EMID1: variants seen among roughly 807,000 people sequenced by gnomAD.
EMID1 encodes EMI domain containing 1.
A neutral mutation model predicts 60.6 loss-of-function variants in EMID1; 40 were observed. The observed-to-expected ratio is 0.66, with a 90% CI of 0.51 to 0.86. EMID1 has a LOEUF of 0.86. Ranked by LOEUF, EMID1 falls within the 40% of genes least tolerant of loss-of-function variation. The pLI is 0.00. For missense variants in EMID1, 585 were observed against 597.1 expected (o/e 0.98, Z 0.21); for synonymous variants, 242 against 231.0 (o/e 1.05, Z -0.43).
intron 3 of EMID1, among the ~76,000 whole-genome samples, chr22:29,221,187 C>T (rs1464484403): frequency 6.7e-6 from 1 of 149,910 alleles, no homozygotes; most frequent in South Asian, 2.1e-4. Flanking sequence ...CAGAGTGGAG[C>T]TGGGGTTTGT....
intron 13 of EMID1, chr22:29,253,792 A>T: frequency 2.4e-6 from 1 of 419,026 alleles, no homozygotes; most frequent in Non-Finnish European, 3.2e-6. Context: ...ATAAGCATAT[A>T]GGTGGCCAAG....
chr22:29,254,441 T>G, intron 14 of EMID1, 154 bp downstream of exon 14: 3 of 687,560 alleles, frequency 4.4e-6, no homozygotes, highest in African/African-American at 1.8e-5. Context: ...ACAACCACCC[T>G]TCCCTCAATG....
At chr22:29,232,540 G>C in intron 8 of EMID1, 138 bp downstream of exon 8, 2 of 1,005,520 alleles carry the variant, frequency 2.0e-6, no homozygotes, top group Non-Finnish European at 2.8e-6. Flanking sequence ...TCCTCCAGCA[G>C]GCGCCGTTGT....
intron 3 of EMID1, chr22:29,216,358 C>T (rs1489076925): frequency 8.1e-6 from 8 of 985,330 alleles, no homozygotes; most frequent in Non-Finnish European, 8.4e-6. Context: ...CAGGCCTCTC[C>T]CATCCTCACT....
At chr22:29,244,191 G>A (rs2041244323) in intron 13 of EMID1, among the ~76,000 whole-genome samples, 1 of 152,168 alleles carries the variant, frequency 6.6e-6, no homozygotes, top group Non-Finnish European at 1.5e-5. Context: ...GGGAAGCCTA[G>A]AAACTCTCAC....
At chr22:29,247,979 A>G (rs1373921345) in intron 13 of EMID1, among the ~76,000 whole-genome samples, 1 of 142,682 alleles carries the variant, frequency 7.0e-6, no homozygotes, top group East Asian at 2.1e-4. Context: ...GAGTCTTGCT[A>G]TGTCTCAAGA....
rs2040782154 is a variant in EMID1, at chr22:29,232,354, G to A, written c.775G>A (p.Gly259Arg). ...GCCACCAGGGCCTCCTGGCCCCCCT[G>A]GGCCCCCAGCCCCTGTTGGGCCACC... ...PGPPGPPGPP[G>R]PPAPVGPPHA... The change falls in exon 8 of 15, where the codon GGG becomes AGG. Residue 259 changes from glycine (G) to arginine (R), a missense_variant. Transcript: ENST00000334018. The A allele has an allele frequency of 6.2e-7, 1 of 1,606,260 alleles. No homozygotes were observed. The highest frequency in any genetic ancestry group is 1.3e-5 in the African/African-American group (1 of 74,738).
chr22:29,233,095 A>G, intron 8 of EMID1: 1 of 474,902 alleles, frequency 2.1e-6, no homozygotes, highest in Non-Finnish European at 3.8e-6. Flanking sequence ...TTTTATTGTC[A>G]TTCCCATTTG....
At chr22:29,235,996 T>A (rs1195395062) in intron 12 of EMID1, among the ~76,000 whole-genome samples, 8 of 152,112 alleles carry the variant, frequency 5.3e-5, no homozygotes, top group Admixed American at 5.2e-4. Flanking sequence ...GTGGTTATAT[T>A]TAAAGTCAGT....
intron 3 of EMID1, 129 bp downstream of exon 3, chr22:29,215,759 A>G: frequency 1.4e-6 from 1 of 720,198 alleles, no homozygotes; most frequent in East Asian, 2.7e-5. Context: ...AGCTGCACAG[A>G]GCCTGGCTCA....
chr22:29,231,878 C>G (rs2040763045), intron 7 of EMID1, 196 bp downstream of exon 7: 4 of 571,116 alleles, frequency 7.0e-6, no homozygotes, highest in Non-Finnish European at 1.2e-5. Context: ...GACCCACATT[C>G]CCTGGGCACC....
intron 1 of EMID1, among the ~76,000 whole-genome samples, chr22:29,207,163 G>A (rs765998136): frequency 2.0e-4 from 30 of 152,220 alleles, no homozygotes; most frequent in Non-Finnish European, 3.7e-4. Context: ...GCATGCCCCT[G>A]CTGGGCTAGC....
intron 14 of EMID1, among the ~76,000 whole-genome samples, chr22:29,255,989 C>T (rs1388892704): frequency 1.3e-5 from 2 of 152,104 alleles, no homozygotes; most frequent in Non-Finnish European, 2.9e-5. Context: ...GCGTCTGGCT[C>T]CTGGGAGTGA....
chr22:29,235,193 C>T (rs2040898511), intron 12 of EMID1, among the ~76,000 whole-genome samples: 1 of 151,852 alleles, frequency 6.6e-6, no homozygotes, highest in African/African-American at 2.4e-5. Flanking sequence ...ACTAAATATA[C>T]AAAAATTAGC....
rs1386868096 is a variant in EMID1, at chr22:29,258,825, C to A, written c.1213C>A (p.Leu405Met). ...ETMIGLYEPE[L>M]GSGAGPAGTG... ...CTTCTTCCCTCCGGCAGAACCAGAG[C>A]TGGGGTCTGGGGCGGGCCCTGCCGG... Residue 405 changes from leucine (L) to methionine (M), a missense_variant, in exon 15 of 15, where the codon CTG becomes ATG. Coordinates refer to ENST00000334018, the MANE Select transcript of EMID1 (RefSeq NM_133455.4). The A allele has an allele frequency of 1.2e-6, 2 of 1,613,162 alleles. No homozygotes were observed. The highest frequency in any genetic ancestry group is 2.2e-5 in the South Asian group (2 of 91,066).
chr22:29,226,578 G>T (rs751169171), intron 5 of EMID1, 27 bp downstream of exon 5: 66 of 1,603,130 alleles, frequency 4.1e-5, no homozygotes, highest in Non-Finnish European at 5.4e-5. Context: ...CTCCTGGGTG[G>T]TTGTTCCCTG....
At chr22:29,223,371 AAT>A (rs1180651218) in intron 3 of EMID1, among the ~76,000 whole-genome samples, 3 of 152,252 alleles carry the variant, frequency 2.0e-5, no homozygotes, top group Non-Finnish European at 4.4e-5. Flanking sequence ...AGGAAACTCA[AAT>A]ATCCCCAGGT....
chr22:29,207,868 T>G (rs2039732908), intron 1 of EMID1, among the ~76,000 whole-genome samples: 1 of 152,080 alleles, frequency 6.6e-6, no homozygotes, highest in African/African-American at 2.4e-5. Flanking sequence ...AAAGAGGTTG[T>G]CGGCTTGGGG....
chr22:29,225,079 G>A lies in EMID1; in HGVS notation c.320-54G>A, dbSNP rs146263416. On this transcript the variant is annotated intron_variant, in intron 3 of 14. Coordinates refer to ENST00000334018, the MANE Select transcript of EMID1 (RefSeq NM_133455.4). ...TGGGGCTACAGTGGTGGGCAGGGGG[G>A]CCTGAGGAGGCAAGGATCACATGCC... 15,401 of 1,585,272 alleles carry A rather than the reference G, an allele frequency of 9.7e-3. 124 individuals carry two copies. The highest frequency in any genetic ancestry group is 0.012 in the Non-Finnish European group (13,995 of 1,158,280).
Sources: gnomAD v4.1 joint callset for allele counts (sites outside exome capture counted in the v4.1 genomes callset) on GRCh38, gnomAD v4.1.1 for gene constraint, MANE v1.5 for transcripts, NCBI Gene and HGNC (gene_info 2026-07-23, HGNC 2026-07-21) for gene names.